ARAP2: variants seen among roughly 807,000 people sequenced by gnomAD.
ARAP2 encodes ArfGAP with RhoGAP domain, ankyrin repeat and PH domain 2, also known as arf-GAP with Rho-GAP domain, ANK repeat and PH domain-containing protein 2.
In ARAP2, 148 loss-of-function variants were observed where a neutral mutation model predicts 194.5. The ratio of observed to expected loss-of-function variants is 0.76; its 90% CI spans 0.67 to 0.87. The LOEUF (loss-of-function observed/expected upper bound fraction) is 0.87. Ranked by LOEUF, ARAP2 falls within the 40% of genes least tolerant of loss-of-function variation. ARAP2 has a pLI of 0.00. For synonymous variants in ARAP2, 695 were observed against 683.5 expected, an observed-to-expected ratio of 1.02 and a Z score of -0.26; for missense variants, 2,128 against 1,989.7, an observed-to-expected ratio of 1.07 and a Z score of -1.32.
intron 21 of ARAP2, 24 bp downstream of exon 21, chr4:36,128,503 CATATCT>C: frequency 7.3e-6 from 11 of 1,512,224 alleles, no homozygotes; most frequent in Non-Finnish European, 1.0e-5. Context: ...CACACACACA[CATATCT>C]ACAAATATCT....
Position 36,058,118 on chromosome 4 carries a change from G to C in ARAP2, n.173C>G, listed in dbSNP as rs992500727. 8 of 152,196 alleles carry C rather than the reference G, an allele frequency of 5.3e-5. No homozygotes were observed. In the South Asian group the frequency reaches 6.2e-4, roughly 12 times the overall value. The allele number at this position is 152,196 out of a possible 1,614,324, so 9.4% of individuals were successfully genotyped here. On this transcript the variant is annotated non_coding_transcript_exon_variant, in exon 2 of 13. Transcript: ENST00000503225. ...ATGGCTTCCCGAGGCTTCCAAATGAGAGCTTGTATGCTCACAAGGGTCTCT... is the reference window on the plus strand; with the variant it reads ...ATGGCTTCCCGAGGCTTCCAAATGACAGCTTGTATGCTCACAAGGGTCTCT...
At chr4:36,048,221 C>A (rs867162699) in intron 3 of ARAP2, among the ~76,000 whole-genome samples, 1 of 152,086 alleles carries the variant, frequency 6.6e-6, no homozygotes, top group South Asian at 2.1e-4. Context: ...TATTTTTATT[C>A]TTCTTTTAAA....
intron 5 of ARAP2, among the ~76,000 whole-genome samples, chr4:36,211,035 A>T (rs1746641457): frequency 1.3e-5 from 2 of 152,142 alleles, no homozygotes; most frequent in African/African-American, 4.8e-5. Context: ...CAGACTGGGT[A>T]TATTCTTCAC....
At chr4:36,147,491 C>T (rs1567484) in intron 18 of ARAP2, 57 bp downstream of exon 18, 1,469,905 of 1,580,078 alleles carry the variant, frequency 0.93, 684,190 homozygotes, top group African/African-American at 0.98. Flanking sequence ...AAGGCTATCA[C>T]TATTGTATGC....
chr4:36,220,557 C>T (rs534694300), intron 2 of ARAP2, among the ~76,000 whole-genome samples: 2 of 149,876 alleles, frequency 1.3e-5, no homozygotes, highest in African/African-American at 5.0e-5. Context: ...ACTCCTTCCA[C>T]TTATTTTTTT....
At chr4:36,167,741 A>G (rs1339524415) in intron 9 of ARAP2, among the ~76,000 whole-genome samples, 1 of 152,166 alleles carries the variant, frequency 6.6e-6, no homozygotes, top group Non-Finnish European at 1.5e-5. Context: ...CATTTGTTCA[A>G]AATCTATAGT....
chr4:36,217,290 T>A (rs1748144193), intron 2 of ARAP2, among the ~76,000 whole-genome samples: 1 of 152,212 alleles, frequency 6.6e-6, no homozygotes, highest in Non-Finnish European at 1.5e-5. Flanking sequence ...GGTGGGCAGA[T>A]CACCGGAGGC....
chr4:36,120,575 C>T (rs1029442002), intron 23 of ARAP2, among the ~76,000 whole-genome samples: 9 of 151,484 alleles, frequency 5.9e-5, no homozygotes, highest in Admixed American at 1.3e-4. Context: ...GACCTTTTGC[C>T]CAAATCCACC....
rs577859189 is a variant in ARAP2, at chr4:36,118,402, G to GA, written c.3963+1247dup. Among the ~76,000 whole-genome samples the GA allele has an allele frequency of 1.2e-3, 174 of 150,762 alleles. 1 individual carries two copies. In the Middle Eastern group the frequency reaches 0.024, roughly 21 times the overall value. On this transcript the variant is annotated intron_variant, in intron 24 of 32. Transcript: ENST00000303965. ...GGTAAGACAAAGAGACTGAATGTCAGAAAAAAATACTCCAGAAGACAGTTT... is the reference window on the plus strand; with the variant it reads ...GGTAAGACAAAGAGACTGAATGTCAGAAAAAAAATACTCCAGAAGACAGTTT...
chr4:36,094,045 T>C (rs773631734), intron 27 of ARAP2, among the ~76,000 whole-genome samples: 52 of 152,212 alleles, frequency 3.4e-4, no homozygotes, highest in Admixed American at 1.1e-3. Context: ...CTAATGGACA[T>C]TGACTAATAA....
rs374170908 is a variant in ARAP2, at chr4:36,067,887, G to A, written c.*20C>T. 47 of 1,541,266 alleles carry A rather than the reference G, an allele frequency of 3.0e-5. No individual in the cohort carries two copies. Among genetic ancestry groups the A allele is most frequent in the Non-Finnish European group, 3.8e-5 (44 of 1,143,412 alleles). On this transcript the variant is annotated 3_prime_UTR_variant, in exon 33 of 33. Transcript: ENST00000303965. Reference sequence around the variant, plus strand: ...ATACAATATTAAAAAAATAATCTGGGGAGCAATTCATTTTATTTCCTACTT... The same window carrying A: ...ATACAATATTAAAAAAATAATCTGGAGAGCAATTCATTTTATTTCCTACTT...
intron 9 of ARAP2, among the ~76,000 whole-genome samples, chr4:36,174,753 C>T (rs1181154469): frequency 6.6e-6 from 1 of 152,158 alleles, no homozygotes; most frequent in African/African-American, 2.4e-5. Context: ...CACATGATGC[C>T]ATTTAAACCT....
intron 2 of ARAP2, among the ~76,000 whole-genome samples, chr4:36,055,562 TTTTA>T (rs1012933132): frequency 9.9e-5 from 15 of 152,076 alleles, no homozygotes; most frequent in Admixed American, 8.5e-4. Context: ...TTATTTTTAT[TTTTA>T]TTTATTTATT....
At chr4:36,160,715 A>T (rs1733707023) in intron 12 of ARAP2, 74 bp from the exon 13 acceptor site, 4 of 1,181,098 alleles carry the variant, frequency 3.4e-6, no homozygotes, top group Non-Finnish European at 4.4e-6. Flanking sequence ...AAACTGAATT[A>T]TATTACAAAT....
At chr4:36,022,046 C>T (rs780435460) in intron 5 of ARAP2, among the ~76,000 whole-genome samples, 4 of 152,054 alleles carry the variant, frequency 2.6e-5, no homozygotes, top group South Asian at 4.2e-4. Context: ...GTAGCACAAC[C>T]GTAAGTGTTT....
chr4:36,179,282 G>A (rs2109857307), intron 8 of ARAP2, among the ~76,000 whole-genome samples: 1 of 152,268 alleles, frequency 6.6e-6, no homozygotes, highest in African/African-American at 2.4e-5. Flanking sequence ...AAGGCATTTA[G>A]GAGAGTGAAA....
At chr4:36,196,692 G>T (rs1341005967) in intron 6 of ARAP2, among the ~76,000 whole-genome samples, 1 of 152,038 alleles carries the variant, frequency 6.6e-6, no homozygotes, top group Non-Finnish European at 1.5e-5. Context: ...TGCCCTACAG[G>T]TGGAGAAAGC....
At chr4:36,119,420 C>A (rs192003460) in intron 24 of ARAP2, among the ~76,000 whole-genome samples, 3 of 151,264 alleles carry the variant, frequency 2.0e-5, no homozygotes, top group African/African-American at 7.3e-5. Context: ...ATAAAGAAAA[C>A]CTTGAAAGGT....
At chr4:36,035,748 G>C (rs1383708296) in intron 5 of ARAP2, among the ~76,000 whole-genome samples, 1 of 152,132 alleles carries the variant, frequency 6.6e-6, no homozygotes, top group Admixed American at 6.6e-5. Context: ...TGTCAAAGAT[G>C]TTCTATATTT....
Sources: allele counts gnomAD v4.1 joint callset (sites outside exome capture counted in the v4.1 genomes callset), GRCh38; gene constraint gnomAD v4.1.1; transcripts MANE v1.5; gene names NCBI Gene and HGNC (gene_info 2026-07-23, HGNC 2026-07-21).